PRORP: variants seen among roughly 807,000 people sequenced by gnomAD.
The protein encoded by PRORP is protein only RNase P catalytic subunit.
A neutral mutation model predicts 59.4 loss-of-function variants in PRORP; 51 were observed. The observed-to-expected ratio is 0.86, with a 90% CI of 0.69 to 1.08. The LOEUF is 1.08. PRORP is among the 50% of genes least tolerant of loss of function. The pLI is 0.00. For missense variants in PRORP, 646 were observed against 690.3 expected (o/e 0.94, Z 0.72); for synonymous variants, 231 against 245.6 (o/e 0.94, Z 0.55).
At chr14:35,252,242 T>TG (rs2050634074) in intron 5 of PRORP, among the ~76,000 whole-genome samples, 2 of 152,058 alleles carry the variant, frequency 1.3e-5, no homozygotes, top group African/African-American at 4.8e-5. Flanking sequence ...TTGGGTAACA[T>TG]GGTGAGACCC....
chr14:35,235,922 A>T (rs1222108071), intron 5 of PRORP, among the ~76,000 whole-genome samples: 1 of 151,532 alleles, frequency 6.6e-6, no homozygotes. Flanking sequence ...ACAAAAAAAC[A>T]CCACAAAAAA....
chr14:35,244,558 T>C (rs2050439215), intron 5 of PRORP, among the ~76,000 whole-genome samples: 2 of 152,110 alleles, frequency 1.3e-5, no homozygotes, highest in South Asian at 4.1e-4. Context: ...ACATATGAGG[T>C]TGCTATTTTT....
At chr14:35,191,818 A>G (rs1028019446) in intron 5 of PRORP, among the ~76,000 whole-genome samples, 3 of 152,018 alleles carry the variant, frequency 2.0e-5, no homozygotes, top group Non-Finnish European at 4.4e-5. Context: ...AGCCAGCCAC[A>G]ATTACTCTTT....
chr14:35,172,768 A>G (rs1355916583), intron 4 of PRORP, among the ~76,000 whole-genome samples: 2 of 151,778 alleles, frequency 1.3e-5, no homozygotes, highest in East Asian at 1.9e-4. Flanking sequence ...AGCTGTCACC[A>G]TGTTGGCCAG....
In PRORP at chr14:35,123,383, T is replaced by C; in HGVS notation, c.138T>C (p.Phe46=). The C allele has an allele frequency of 6.2e-7, 1 of 1,614,170 alleles. No individual in the cohort carries two copies. The highest frequency in any genetic ancestry group is 8.5e-7 in the Non-Finnish European group (1 of 1,180,024). The change falls in exon 2 of 8, where the codon TTT becomes TTC. Residue 46 remains phenylalanine (F), a synonymous_variant. Transcript: ENST00000534898. ...RCGIRNQQRL[F]SLKTMSPQNT... ...GCATCAGGAACCAGCAGAGGTTGTT[T>C]TCTCTTAAAACAATGTCTCCACAGA...
At chr14:35,122,867 C>T (rs2046966263) in intron 1 of PRORP, 85 bp from the exon 2 acceptor site, 1 of 187,958 alleles carries the variant, frequency 5.3e-6, no homozygotes, top group Admixed American at 5.3e-5. Context: ...TTCCAGCAAG[C>T]TTCCCGTGGG....
rs2051054941 is a variant in PRORP, at chr14:35,266,834, A to G, written c.1383A>G (p.Glu461=). The stretch of plus-strand genomic sequence containing the variant: ...CCCAGTGGAGTCGGGATGAGATGGA[A>G]GAGGTGCAAAAGCAAGCCAGCTGTT... ...RSSQWSRDEM[E]EVQKQASCFF... The change falls in exon 6 of 8, where the codon GAA becomes GAG. Residue 461 remains glutamate, a synonymous_variant. Coordinates refer to ENST00000534898, the MANE Select transcript of PRORP (RefSeq NM_014672.4). The G allele has an allele frequency of 1.9e-6, 3 of 1,614,216 alleles. No homozygotes were observed. Among genetic ancestry groups the G allele is most frequent in the Non-Finnish European group, 2.5e-6 (3 of 1,180,040 alleles).
In PRORP at chr14:35,122,577, T is replaced by G. The variant is rs2046952399; in HGVS notation, c.-353T>G. ...AGTTTCCGCCGCGTTTATGGCCGCG[T>G]TAAGTCTGAGTGCCGCTTTGAGTTG... On this transcript the variant is annotated 5_prime_UTR_variant, in exon 1 of 8. Transcript: ENST00000534898. 1 of 154,030 alleles carries G rather than the reference T, an allele frequency of 6.5e-6. No individual in the cohort carries two copies. The highest frequency in any genetic ancestry group is 1.9e-4 in the South Asian group (1 of 5,250). The allele number at this position is 154,030 out of a possible 1,614,324, so 9.5% of individuals were successfully genotyped here.
chr14:35,243,470 A>G (rs2050411785), intron 5 of PRORP, among the ~76,000 whole-genome samples: 1 of 151,212 alleles, frequency 6.6e-6, no homozygotes, highest in Admixed American at 6.6e-5. Flanking sequence ...CAGGAGGTTG[A>G]GGCTGCAGTG....
chr14:35,167,955 GAAGAA>G (rs1053305090), intron 4 of PRORP, among the ~76,000 whole-genome samples: 18 of 152,304 alleles, frequency 1.2e-4, no homozygotes, highest in African/African-American at 4.3e-4. Flanking sequence ...CTAAGGATTA[GAAGAA>G]AAGGAGTATT....
intron 5 of PRORP, among the ~76,000 whole-genome samples, chr14:35,190,132 C>T (rs767851957): frequency 5.9e-5 from 9 of 151,322 alleles, no homozygotes; most frequent in Non-Finnish European, 8.8e-5. Flanking sequence ...GGCGCAGTAT[C>T]TCATGCCTGT....
In PRORP at chr14:35,274,184, G is replaced by A. The variant is rs1484954922; in HGVS notation, c.*618G>A. 2 of 152,078 alleles carry A rather than the reference G, an allele frequency of 1.3e-5. No homozygotes were observed. The highest frequency in any genetic ancestry group is 4.8e-5 in the African/African-American group (2 of 41,400). 9.4% of individuals were successfully genotyped at this position (152,078 alleles called of 1,614,324 possible). A position where few individuals can be genotyped will look rare whatever the true frequency, so the allele number is the denominator to read the frequency against. The stretch of plus-strand genomic sequence containing the variant: ...TGGAAATAGAGTCTCAACTTACTCT[G>A]TCGCCAGGGCTGGAGTGCAGTGACG... On this transcript the variant is annotated 3_prime_UTR_variant, in exon 8 of 8. Transcript: ENST00000534898.
At chr14:35,132,408 A>G (rs2047266820) in intron 4 of PRORP, among the ~76,000 whole-genome samples, 1 of 151,992 alleles carries the variant, frequency 6.6e-6, no homozygotes, top group Non-Finnish European at 1.5e-5. Context: ...CGGTGAGCCA[A>G]GGTCACACTA....
intron 5 of PRORP, among the ~76,000 whole-genome samples, chr14:35,244,995 A>G (rs928834850): frequency 3.7e-4 from 57 of 152,344 alleles, no homozygotes; most frequent in African/African-American, 1.3e-3. Flanking sequence ...TCTTTGGTTT[A>G]TGATCTGGCT....
chr14:35,240,736 A>T (rs78505754), intron 5 of PRORP, among the ~76,000 whole-genome samples: 2,107 of 152,228 alleles, frequency 0.014, 62 homozygotes, highest in African/African-American at 0.048. Context: ...CCTCCTCCAC[A>T]TTGATTAAAT....
chr14:35,124,977 C>G (rs2047062100), intron 2 of PRORP, among the ~76,000 whole-genome samples: 1 of 150,912 alleles, frequency 6.6e-6, no homozygotes, highest in South Asian at 2.1e-4. Context: ...TCTCCTGCCT[C>G]ACACTCCCGA....
At chr14:35,215,930 C>A (rs2049577120) in intron 5 of PRORP, among the ~76,000 whole-genome samples, 1 of 151,612 alleles carries the variant, frequency 6.6e-6, no homozygotes, top group Non-Finnish European at 1.5e-5. Flanking sequence ...CCACGCCTGG[C>A]TAATTTTTGT....
intron 5 of PRORP, among the ~76,000 whole-genome samples, chr14:35,216,074 T>G (rs1483789240): frequency 1.1e-5 from 1 of 88,682 alleles, no homozygotes; most frequent in Non-Finnish European, 2.7e-5. Context: ...ACCGTAAGAC[T>G]CTAGCTTTAA....
chr14:35,220,588 C>T (rs1198790455), intron 5 of PRORP, among the ~76,000 whole-genome samples: 1 of 151,940 alleles, frequency 6.6e-6, no homozygotes, highest in Non-Finnish European at 1.5e-5. Flanking sequence ...GTAATGAATC[C>T]CCTCCAGGAG....
Sources: allele counts gnomAD v4.1 joint callset (sites outside exome capture counted in the v4.1 genomes callset), GRCh38; gene constraint gnomAD v4.1.1; transcripts MANE v1.5; gene names NCBI Gene and HGNC (gene_info 2026-07-23, HGNC 2026-07-21).